The following MGLL variants were observed in gnomAD, a reference collection of about 807,000 sequenced individuals.
MGLL encodes monoglyceride lipase.
In MGLL, 7 loss-of-function variants were observed where a neutral mutation model predicts 29.1. That is an observed-to-expected ratio of 0.24 (90% CI 0.14 to 0.45). MGLL has a LOEUF of 0.45. Among genes scored for constraint, MGLL ranks in the 20% least tolerant of loss-of-function variants. MGLL has a pLI of 0.99. For synonymous variants in MGLL, 148 were observed against 168.3 expected (o/e 0.88, Z 0.93); for missense variants, 356 against 413.6 (o/e 0.86, Z 1.21).
chr3:127,704,845 C>A (rs970625155), intron 6 of MGLL, among the ~76,000 whole-genome samples: 2 of 151,932 alleles, frequency 1.3e-5, no homozygotes, highest in Non-Finnish European at 2.9e-5. Flanking sequence ...CCCATTTGAC[C>A]CAGCAATCCC....
intron 7 of MGLL, among the ~76,000 whole-genome samples, chr3:127,694,299 A>ATGTATGTG (rs1317062328): frequency 1.6e-5 from 2 of 122,888 alleles, no homozygotes; most frequent in Non-Finnish European, 3.6e-5. Flanking sequence ...ATATATATAT[A>ATGTATGTG]TATATATATG....
chr3:127,690,078 G>GGGGGAGGCAGC lies in MGLL; in HGVS notation c.*2109_*2119dup, dbSNP rs1184375043. Reference sequence around the variant, plus strand: ...AATGGTGATGCCACCACATGCATCTGGGGGAGGCAGCAGGGAGGCGTAGGG... The same window carrying GGGGGAGGCAGC: ...AATGGTGATGCCACCACATGCATCTGGGGGAGGCAGCGGGGAGGCAGCAGGGAGGCGTAGGG... On this transcript the variant is annotated 3_prime_UTR_variant, in exon 8 of 8. Transcript: ENST00000265052. 1 of 152,180 alleles carries GGGGGAGGCAGC rather than the reference G, an allele frequency of 6.6e-6. No individual in the cohort carries two copies. Among genetic ancestry groups the GGGGGAGGCAGC allele is most frequent in the East Asian group, 1.9e-4 (1 of 5,180 alleles). 9.4% of individuals were successfully genotyped at this position (152,180 alleles called of 1,614,324 possible).
chr3:127,749,286 C>T (rs2107666860), intron 3 of MGLL, among the ~76,000 whole-genome samples: 1 of 152,320 alleles, frequency 6.6e-6, no homozygotes, highest in South Asian at 2.1e-4. Flanking sequence ...CATCCTGGAA[C>T]CTCCCCATTA....
Position 127,781,840 on chromosome 3 carries a change from G to C in MGLL, c.211C>G (p.Leu71Val), listed in dbSNP as rs1261646040. ...TCCAGCCCCATCAGCATCCGAGCCA[G>C]CTCTTCATAGCGGCCACTGTGCTCT... Reference protein sequence around the residue: ...AGEHSGRYEELARMLMGLDLL... With the variant: ...AGEHSGRYEEVARMLMGLDLL... Residue 71 changes from leucine (L) to valine (V), a missense_variant, in exon 3 of 8, where the codon CTG becomes GTG. Physicochemically the swap from Leu to Val is conservative, Grantham distance 32. Transcript: ENST00000265052. The C allele has an allele frequency of 6.2e-7, 1 of 1,614,138 alleles. No homozygotes were observed. The highest frequency in any genetic ancestry group is 1.1e-5 in the South Asian group (1 of 91,082).
At chr3:127,728,994 T>G (rs562721264) in intron 3 of MGLL, among the ~76,000 whole-genome samples, 1 of 152,322 alleles carries the variant, frequency 6.6e-6, no homozygotes, top group East Asian at 1.9e-4. Context: ...TGAGTATTCA[T>G]GTCTTTGCTC....
chr3:127,822,369 C>A lies in MGLL; in HGVS notation c.-51G>T. ...ACCACGACAGCCTGGAGAATCAGAA[C>A]CAGGCAAATCGGGCTGTTCCCTCAT... On this transcript the variant is annotated 5_prime_UTR_variant, in exon 1 of 8. Coordinates refer to ENST00000265052, the MANE Select transcript of MGLL (RefSeq NM_007283.7). 6.2e-7 allele frequency: 1 copy of A among 1,608,156 alleles called. No individual in the cohort carries two copies. The highest frequency in any genetic ancestry group is 8.5e-7 in the Non-Finnish European group (1 of 1,174,712).
At chr3:127,794,772 G>A (rs2077358111) in intron 2 of MGLL, among the ~76,000 whole-genome samples, 1 of 152,214 alleles carries the variant, frequency 6.6e-6, no homozygotes, top group Admixed American at 6.5e-5. Context: ...ATGTAACACT[G>A]TCTTCTATGA....
intron 3 of MGLL, among the ~76,000 whole-genome samples, chr3:127,729,890 G>A (rs975512927): frequency 6.6e-6 from 1 of 152,188 alleles, no homozygotes. Flanking sequence ...TGGTAATGTA[G>A]GCATCTCCTG....
At chr3:127,738,783 A>G (rs973825899) in intron 3 of MGLL, among the ~76,000 whole-genome samples, 4 of 152,180 alleles carry the variant, frequency 2.6e-5, no homozygotes, top group African/African-American at 7.2e-5. Context: ...CTGGATGCCA[A>G]CTGACAGTGT....
At chr3:127,782,904 T>TG (rs1322140941) in intron 2 of MGLL, among the ~76,000 whole-genome samples, 3 of 151,898 alleles carry the variant, frequency 2.0e-5, no homozygotes, top group African/African-American at 7.3e-5. Flanking sequence ...GTTAAGTGAG[T>TG]TGGGCCAGGC....
At chr3:127,771,168 C>G (rs1246198710) in intron 3 of MGLL, among the ~76,000 whole-genome samples, 1 of 152,188 alleles carries the variant, frequency 6.6e-6, no homozygotes, top group African/African-American at 2.4e-5. Context: ...CACAACTGCT[C>G]ATTGCCTCAG....
At chr3:127,814,323 G>A (rs748429214) in intron 2 of MGLL, among the ~76,000 whole-genome samples, 14 of 152,010 alleles carry the variant, frequency 9.2e-5, no homozygotes, top group Non-Finnish European at 1.6e-4. Context: ...GCTGACCACC[G>A]CAGCATCCCC....
At chr3:127,821,666 C>T in intron 2 of MGLL, 28 bp downstream of exon 2, 1 of 1,613,438 alleles carries the variant, frequency 6.2e-7, no homozygotes, top group South Asian at 1.1e-5. Flanking sequence ...CCCCTGTCAC[C>T]TGGGGTGACT....
In MGLL at chr3:127,721,177, T is replaced by C. The variant is rs1278518329; in HGVS notation, c.400-14A>G. 3.1e-6 allele frequency: 5 copies of C among 1,608,864 alleles called. No homozygotes were observed. The highest frequency in any genetic ancestry group is 2.2e-5 in the East Asian group (1 of 44,866). On this transcript the variant is annotated splice_polypyrimidine_tract_variant and intron_variant, in intron 4 of 7. Coordinates refer to ENST00000265052, the MANE Select transcript of MGLL (RefSeq NM_007283.7). ...GATGGCGCCTCCCTGTAATGCAGAA[T>C]GGGCAGAGCTGCTGTGTTCGGCTTG...
At chr3:127,775,744 C>T (rs9869280) in intron 3 of MGLL, among the ~76,000 whole-genome samples, 9,995 of 152,220 alleles carry the variant, frequency 0.066, 1,063 homozygotes, top group African/African-American at 0.23. Context: ...GCCGAGAGTG[C>T]GTGTTAGGAA....
chr3:127,717,552 AGGTGCC>A (rs2075839357), intron 5 of MGLL, among the ~76,000 whole-genome samples: 1 of 152,162 alleles, frequency 6.6e-6, no homozygotes. Flanking sequence ...CTACTGGGCG[AGGTGCC>A]CTTCTTGGCG....
At chr3:127,694,872 T>C (rs2075325698) in intron 7 of MGLL, 103 bp downstream of exon 7, 2 of 1,124,464 alleles carry the variant, frequency 1.8e-6, no homozygotes, top group Admixed American at 1.8e-5. Context: ...TCCTGAGACC[T>C]GGGAGGTGGC....
rs545998615 is a variant in MGLL at position 127,793,648 on chromosome 3, G to A, written c.156-11753C>T. Among the ~76,000 whole-genome samples, 91 of 152,242 alleles carry A rather than the reference G, an allele frequency of 6.0e-4. 2 individuals are homozygous for A. The Middle Eastern group carries it at 0.02, about 34-fold the overall frequency. On this transcript the variant is annotated intron_variant, in intron 2 of 7. Transcript: ENST00000265052. ...GCAATCTCGGCTCACTGCAACCTCC[G>A]CCTCCCGGGTTGAAGTGATTGTCCT... is the stretch of plus-strand genomic sequence containing the variant.
chr3:127,695,473 C>T (rs2075341859), intron 6 of MGLL, among the ~76,000 whole-genome samples: 1 of 152,174 alleles, frequency 6.6e-6, no homozygotes, highest in African/African-American at 2.4e-5. Flanking sequence ...GCCTGTAATC[C>T]CAGAACTTTG....
Sources: gnomAD v4.1 joint callset for allele counts (sites outside exome capture counted in the v4.1 genomes callset) on GRCh38, gnomAD v4.1.1 for gene constraint, MANE v1.5 for transcripts, NCBI Gene and HGNC (gene_info 2026-07-23, HGNC 2026-07-21) for gene names.